RABGAP1L: variants seen among roughly 807,000 people sequenced by gnomAD.
RABGAP1L encodes RAB GTPase activating protein 1 like, also known as rab GTPase-activating protein 1-like.
Under a neutral mutation model 137.7 loss-of-function variants are expected in RABGAP1L, and 63 were observed. That is an observed-to-expected ratio of 0.46 (90% CI 0.37 to 0.56). RABGAP1L has a LOEUF of 0.56. Ranked by LOEUF, RABGAP1L falls within the 20% of genes least tolerant of loss-of-function variation. The pLI, the probability that RABGAP1L is intolerant of heterozygous loss-of-function variation, is 0.00. For synonymous variants in RABGAP1L, 431 were observed against 433.7 expected, an observed-to-expected ratio of 0.99 and a Z score of 0.08; for missense variants, 1,095 against 1,244.0, an observed-to-expected ratio of 0.88 and a Z score of 1.80.
chr1:174,452,195 C>T (rs985155903), intron 13 of RABGAP1L, among the ~76,000 whole-genome samples: 3 of 152,062 alleles, frequency 2.0e-5, no homozygotes, highest in African/African-American at 7.2e-5. Flanking sequence ...TGGTAATTAT[C>T]CAGTTTGGCT....
intron 19 of RABGAP1L, among the ~76,000 whole-genome samples, chr1:174,824,869 A>G (rs972710036): frequency 3.9e-5 from 6 of 152,198 alleles, no homozygotes; most frequent in African/African-American, 1.4e-4. Context: ...GCAACCAAAA[A>G]AAGCGAAATA....
chr1:174,881,262 A>C (rs1654149966), intron 19 of RABGAP1L, among the ~76,000 whole-genome samples: 1 of 152,152 alleles, frequency 6.6e-6, no homozygotes, highest in Non-Finnish European at 1.5e-5. Flanking sequence ...TTTAAATAGA[A>C]TTTGTTGACT....
At chr1:174,280,089 G>GAGAGAGAGAGAGAGAC (rs1241461814) in intron 10 of RABGAP1L, among the ~76,000 whole-genome samples, 2 of 146,952 alleles carry the variant, frequency 1.4e-5, no homozygotes, top group African/African-American at 5.4e-5. Flanking sequence ...GAGAGAGAGA[G>GAGAGAGAGAGAGAGAC]AGACATTAAA....
intron 19 of RABGAP1L, among the ~76,000 whole-genome samples, chr1:174,901,485 G>A (rs1658133474): frequency 6.6e-6 from 1 of 152,190 alleles, no homozygotes; most frequent in Admixed American, 6.5e-5. Flanking sequence ...CATGAGAACA[G>A]GATGAGGGAA....
At chr1:174,495,435 A>G (rs188280098) in intron 13 of RABGAP1L, among the ~76,000 whole-genome samples, 1 of 152,312 alleles carries the variant, frequency 6.6e-6, no homozygotes, top group African/African-American at 2.4e-5. Flanking sequence ...ACAGTCTAAA[A>G]TGTAGGAGTA....
chr1:174,570,229 A>C (rs1405831523), intron 13 of RABGAP1L, among the ~76,000 whole-genome samples: 1 of 152,194 alleles, frequency 6.6e-6, no homozygotes, highest in Non-Finnish European at 1.5e-5. Flanking sequence ...GTACTTTCTA[A>C]AGCAAACAGT....
At chr1:174,444,030 T>C (rs1654455948) in intron 13 of RABGAP1L, among the ~76,000 whole-genome samples, 2 of 152,094 alleles carry the variant, frequency 1.3e-5, no homozygotes, top group East Asian at 1.9e-4. Flanking sequence ...TTCTATTCCA[T>C]TGGTCTATGT....
intron 14 of RABGAP1L, among the ~76,000 whole-genome samples, chr1:174,638,187 A>G (rs1003619504): frequency 6.6e-6 from 1 of 152,216 alleles, no homozygotes; most frequent in Non-Finnish European, 1.5e-5. Flanking sequence ...CTGCACAAAA[A>G]TTTGGTAATA....
chr1:174,501,317 G>T (rs1048396980), intron 13 of RABGAP1L, among the ~76,000 whole-genome samples: 2 of 151,368 alleles, frequency 1.3e-5, no homozygotes, highest in South Asian at 4.2e-4. Context: ...GGGTTCAAGC[G>T]ATTCTGCTGC....
chr1:174,513,418 G>C (rs936868881), intron 13 of RABGAP1L, among the ~76,000 whole-genome samples: 1 of 151,776 alleles, frequency 6.6e-6, no homozygotes, highest in African/African-American at 2.4e-5. Context: ...GACCAGCTGG[G>C]GCAACATAGT....
At chr1:174,318,299 ACTC>A (rs564506394) in intron 11 of RABGAP1L, among the ~76,000 whole-genome samples, 2 of 151,318 alleles carry the variant, frequency 1.3e-5, no homozygotes, top group Admixed American at 1.3e-4. Flanking sequence ...AAAAATAGCT[ACTC>A]CTGCTCTGCT....
chr1:174,517,161 T>A (rs1323416344), intron 13 of RABGAP1L, among the ~76,000 whole-genome samples: 5 of 151,952 alleles, frequency 3.3e-5, no homozygotes, highest in Non-Finnish European at 5.9e-5. Context: ...GATATAAGAT[T>A]ATTAGCATGA....
At chr1:174,562,743 C>T (rs1278581988) in intron 13 of RABGAP1L, among the ~76,000 whole-genome samples, 4 of 152,116 alleles carry the variant, frequency 2.6e-5, no homozygotes, top group Non-Finnish European at 5.9e-5. Context: ...TCTCAGCAAA[C>T]TAACACAAGA....
intron 13 of RABGAP1L, among the ~76,000 whole-genome samples, chr1:174,434,325 A>G (rs190333206): frequency 4.6e-5 from 7 of 152,200 alleles, no homozygotes; most frequent in Non-Finnish European, 7.4e-5. Flanking sequence ...TTTCATTGCT[A>G]TATTTCATTG....
intron 10 of RABGAP1L, among the ~76,000 whole-genome samples, chr1:174,298,021 A>G (rs532822513): frequency 3.6e-4 from 55 of 152,296 alleles, no homozygotes; most frequent in African/African-American, 1.2e-3. Context: ...ACAGTCACCT[A>G]TCAGTGAAGA....
chr1:174,331,159 C>T (rs942034816), intron 11 of RABGAP1L, among the ~76,000 whole-genome samples: 3 of 151,108 alleles, frequency 2.0e-5, no homozygotes, highest in African/African-American at 7.4e-5. Context: ...AACTAGGCCC[C>T]TCTCTCTCTC....
chr1:174,364,661 A>C (rs910955588), intron 11 of RABGAP1L, among the ~76,000 whole-genome samples: 1 of 152,174 alleles, frequency 6.6e-6, no homozygotes, highest in Non-Finnish European at 1.5e-5. Context: ...AGTAGCCACA[A>C]ATGATCCTTT....
At chr1:174,639,061 A>G (rs1557938081) in intron 14 of RABGAP1L, among the ~76,000 whole-genome samples, 1 of 151,362 alleles carries the variant, frequency 6.6e-6, no homozygotes, top group Non-Finnish European at 1.5e-5. Flanking sequence ...GCACTCACCT[A>G]CATATTCTAA....
chr1:174,538,862 C>T (rs1286383621), intron 13 of RABGAP1L, among the ~76,000 whole-genome samples: 1 of 152,094 alleles, frequency 6.6e-6, no homozygotes, highest in Non-Finnish European at 1.5e-5. Flanking sequence ...ATGTTTATAA[C>T]CTCATTTTGT....
Sources: gnomAD v4.1 joint callset for allele counts (sites outside exome capture counted in the v4.1 genomes callset) on GRCh38, gnomAD v4.1.1 for gene constraint, MANE v1.5 for transcripts, NCBI Gene and HGNC (gene_info 2026-07-23, HGNC 2026-07-21) for gene names.